The following PRKCA variants were observed in gnomAD, a reference collection of about 807,000 sequenced individuals.
PRKCA encodes the protein protein kinase C alpha.
A neutral mutation model predicts 87.0 loss-of-function variants in PRKCA; 27 were observed. That is an observed-to-expected ratio of 0.31 (90% CI 0.23 to 0.43). The LOEUF is 0.43. Among genes scored for constraint, PRKCA ranks in the 20% least tolerant of loss-of-function variants. The pLI, the probability that PRKCA is intolerant of heterozygous loss-of-function variation, is 1.00. For synonymous variants in PRKCA, 329 were observed against 311.1 expected (o/e 1.06, Z -0.61); for missense variants, 518 against 852.3 (o/e 0.61, Z 4.88).
chr17:66,696,001 A>G (rs193223260), intron 8 of PRKCA, among the ~76,000 whole-genome samples: 146 of 152,340 alleles, frequency 9.6e-4, no homozygotes, highest in Non-Finnish European at 1.5e-3. Context: ...GCCAAGTGTG[A>G]AAAATGAAGT....
rs115773082 is a variant in PRKCA, at chr17:66,791,831, C to T, written c.1854+2852C>T. The stretch of plus-strand genomic sequence containing the variant: ...AATACAAACAGCAGGAGAGAACTAG[C>T]GGCGTAGAAAAGTTATTCTGGGATG... On this transcript the variant is annotated intron_variant, in intron 16 of 16. Transcript: ENST00000413366. Among the ~76,000 whole-genome samples, 738 of 152,310 alleles carry T rather than the reference C, an allele frequency of 4.8e-3. 8 individuals are homozygous for T. Among genetic ancestry groups the T allele is most frequent in the African/African-American group, 0.016 (681 of 41,574 alleles).
intron 2 of PRKCA, among the ~76,000 whole-genome samples, chr17:66,387,241 G>A (rs1230627775): frequency 6.6e-6 from 1 of 152,192 alleles, no homozygotes; most frequent in Non-Finnish European, 1.5e-5. Flanking sequence ...CAGGTAGATG[G>A]CTTGTCTTGA....
intron 3 of PRKCA, among the ~76,000 whole-genome samples, chr17:66,559,342 G>C (rs1013090175): frequency 2.0e-5 from 3 of 151,766 alleles, no homozygotes; most frequent in African/African-American, 7.3e-5. Context: ...TGGGCGTGGT[G>C]GTGGGCGCCT....
intron 2 of PRKCA, among the ~76,000 whole-genome samples, chr17:66,442,688 C>T (rs1913836190): frequency 6.6e-6 from 1 of 152,154 alleles, no homozygotes; most frequent in African/African-American, 2.4e-5. Flanking sequence ...TCATGTTCAC[C>T]TCTCCCATTA....
chr17:66,396,174 A>G (rs911791079), intron 2 of PRKCA, among the ~76,000 whole-genome samples: 1 of 152,154 alleles, frequency 6.6e-6, no homozygotes, highest in African/African-American at 2.4e-5. Context: ...TACTTGTTGA[A>G]TGAAATTAGA....
intron 2 of PRKCA, among the ~76,000 whole-genome samples, chr17:66,356,495 C>T (rs1908062220): frequency 2.0e-5 from 3 of 152,060 alleles, no homozygotes; most frequent in Admixed American, 6.5e-5. Context: ...ATTAGCCGGG[C>T]GTGGTGTCGG....
chr17:66,344,817 G>A (rs188483323), intron 2 of PRKCA, among the ~76,000 whole-genome samples: 1 of 152,272 alleles, frequency 6.6e-6, no homozygotes, highest in Middle Eastern at 3.4e-3. Flanking sequence ...CCAGGCTGGG[G>A]TGCACTTGCG....
intron 2 of PRKCA, among the ~76,000 whole-genome samples, chr17:66,384,419 A>G (rs865808555): frequency 7.2e-5 from 11 of 152,242 alleles, no homozygotes; most frequent in African/African-American, 2.7e-4. Context: ...ATTTCCTAAG[A>G]GAATTACAAA....
intron 3 of PRKCA, among the ~76,000 whole-genome samples, chr17:66,640,674 C>G (rs976432878): frequency 6.6e-6 from 1 of 152,132 alleles, no homozygotes; most frequent in East Asian, 1.9e-4. Context: ...ACAAACACAC[C>G]GATTTTGTGT....
At chr17:66,564,161 C>T (rs1179335901) in intron 3 of PRKCA, among the ~76,000 whole-genome samples, 2 of 152,054 alleles carry the variant, frequency 1.3e-5, no homozygotes, top group Non-Finnish European at 2.9e-5. Flanking sequence ...TCTGTGCAGG[C>T]TCTGCCTCCC....
chr17:66,390,961 A>G (rs1910327283), intron 2 of PRKCA, among the ~76,000 whole-genome samples: 1 of 151,954 alleles, frequency 6.6e-6, no homozygotes, highest in Non-Finnish European at 1.5e-5. Context: ...GCTGCTGAGA[A>G]GAAATCAGAC....
intron 6 of PRKCA, among the ~76,000 whole-genome samples, chr17:66,687,807 G>GAATAAATAAATAAATAAATAAATA (rs1972669707): frequency 6.6e-6 from 1 of 152,134 alleles, no homozygotes; most frequent in Non-Finnish European, 1.5e-5. Context: ...AGGAAGGAGG[G>GAATAAATAAATAAATAAATAAATA]AATAAATAAA....
chr17:66,715,761 A>T (rs1973457695), intron 8 of PRKCA, among the ~76,000 whole-genome samples: 1 of 152,028 alleles, frequency 6.6e-6, no homozygotes, highest in Admixed American at 6.5e-5. Flanking sequence ...GCGTAGATAC[A>T]ATTTTGTGTC....
At chr17:66,593,169 A>T (rs1969865646) in intron 3 of PRKCA, among the ~76,000 whole-genome samples, 3 of 152,236 alleles carry the variant, frequency 2.0e-5, no homozygotes, top group South Asian at 4.1e-4. Context: ...GTGAAGACTA[A>T]GCTGCTGTAA....
At chr17:66,729,687 C>T (rs1683814736) in intron 8 of PRKCA, among the ~76,000 whole-genome samples, 1 of 151,818 alleles carries the variant, frequency 6.6e-6, no homozygotes, top group Non-Finnish European at 1.5e-5. Flanking sequence ...ATCTCTCCCT[C>T]ATGTTTTAAT....
chr17:66,789,206 A>G (rs1975473991), intron 16 of PRKCA, among the ~76,000 whole-genome samples: 1 of 152,218 alleles, frequency 6.6e-6, no homozygotes, highest in Admixed American at 6.5e-5. Context: ...AACCCTGTGC[A>G]CACTTCATCC....
chr17:66,563,861 C>T (rs1195708266), intron 3 of PRKCA, among the ~76,000 whole-genome samples: 1 of 152,170 alleles, frequency 6.6e-6, no homozygotes, highest in Non-Finnish European at 1.5e-5. Flanking sequence ...TTTAAAGTAT[C>T]ATTAATTTCT....
intron 13 of PRKCA, among the ~76,000 whole-genome samples, chr17:66,750,902 G>A (rs1300057903): frequency 6.6e-6 from 1 of 152,188 alleles, no homozygotes; most frequent in Non-Finnish European, 1.5e-5. Flanking sequence ...ACCCTGGGAG[G>A]AAGGGCCTGC....
At chr17:66,510,510 G>A (rs1917175974) in intron 3 of PRKCA, among the ~76,000 whole-genome samples, 1 of 152,182 alleles carries the variant, frequency 6.6e-6, no homozygotes. Flanking sequence ...TTATCATGTA[G>A]AGAGGTTTGT....
Sources: allele counts gnomAD v4.1 joint callset (sites outside exome capture counted in the v4.1 genomes callset), GRCh38; gene constraint gnomAD v4.1.1; transcripts MANE v1.5; gene names NCBI Gene and HGNC (gene_info 2026-07-23, HGNC 2026-07-21).